Variants in ZNF804B observed in about 807,000 individuals in gnomAD.
ZNF804B encodes zinc finger 804B.
Under a neutral mutation model 101.4 loss-of-function variants are expected in ZNF804B, and 80 were observed. The observed-to-expected ratio is 0.79, with a 90% CI of 0.66 to 0.95. The LOEUF is 0.95. ZNF804B is among the 40% of genes least tolerant of loss of function. The pLI, the probability that ZNF804B is intolerant of heterozygous loss-of-function variation, is 0.00. For synonymous variants in ZNF804B, 622 were observed against 558.8 expected, an observed-to-expected ratio of 1.11 and a Z score of -1.59; for missense variants, 1,673 against 1,561.9, an observed-to-expected ratio of 1.07 and a Z score of -1.20.
chr7:88,804,070 G>A (rs1301409613), intron 1 of ZNF804B, among the ~76,000 whole-genome samples: 1 of 152,094 alleles, frequency 6.6e-6, no homozygotes, highest in East Asian at 1.9e-4. Flanking sequence ...AAGGACTGGG[G>A]TGACCATTTA....
chr7:88,970,305 G>C (rs531035621), intron 1 of ZNF804B, among the ~76,000 whole-genome samples: 1 of 151,124 alleles, frequency 6.6e-6, no homozygotes, highest in Admixed American at 6.6e-5. Context: ...CCATCACCTA[G>C]GTATTAAAGC....
At position 89,266,877 on chromosome 7, in the gene ZNF804B, T is replaced by TG. The variant is rs1789803563; in HGVS notation, c.249+48582_249+48583insG. Among the ~76,000 whole-genome samples the TG allele has an allele frequency of 2.0e-3, 306 of 150,970 alleles. 3 individuals are homozygous for TG. Among genetic ancestry groups the TG allele is most frequent in the Middle Eastern group, 6.8e-3 (2 of 292 alleles). On this transcript the variant is annotated intron_variant, in intron 2 of 3. Coordinates refer to ENST00000333190, the MANE Select transcript of ZNF804B (RefSeq NM_181646.5). Reference sequence around the variant, plus strand: ...AGTACTAATGTTTGTGTGTCTGTGTTTGTGTGTGTGTGTGTCTTTGGGAGT... The same window carrying TG: ...AGTACTAATGTTTGTGTGTCTGTGTTGTGTGTGTGTGTGTGTCTTTGGGAGT...
intron 1 of ZNF804B, among the ~76,000 whole-genome samples, chr7:89,142,952 A>T (rs1790738747): frequency 6.6e-6 from 1 of 151,866 alleles, no homozygotes; most frequent in Non-Finnish European, 1.5e-5. Flanking sequence ...ACTGTAATAT[A>T]CTCTCAGAGG....
At chr7:89,330,884 A>G (rs1379143228) in intron 3 of ZNF804B, among the ~76,000 whole-genome samples, 1 of 151,220 alleles carries the variant, frequency 6.6e-6, no homozygotes, top group Non-Finnish European at 1.5e-5. Context: ...CATATTAGAG[A>G]GCTACATGGT....
At chr7:88,823,906 C>T (rs192618821) in intron 1 of ZNF804B, among the ~76,000 whole-genome samples, 52 of 152,142 alleles carry the variant, frequency 3.4e-4, no homozygotes, top group Non-Finnish European at 1.0e-4. Flanking sequence ...CCTATGGTGG[C>T]CACCCCAGAA....
At chr7:89,099,883 A>T (rs1790028514) in intron 1 of ZNF804B, among the ~76,000 whole-genome samples, 1 of 152,140 alleles carries the variant, frequency 6.6e-6, no homozygotes, top group South Asian at 2.1e-4. Flanking sequence ...AACAAGAGTG[A>T]CTTCATGTTG....
Position 89,336,765 on chromosome 7 carries a change from T to A in ZNF804B, c.3783T>A (p.Thr1261=), listed in dbSNP as rs1009166604. ...LTPTIIPAHP[T]FLAGHPLHLV... ...CAACCATTATCCCTGCACACCCCACTTTCTTAGCAGGTCATCCCCTGCATT... is the reference window on the plus strand; with the variant it reads ...CAACCATTATCCCTGCACACCCCACATTCTTAGCAGGTCATCCCCTGCATT... Residue 1261 remains threonine, a synonymous_variant, in exon 4 of 4, where the codon ACT becomes ACA. Coordinates refer to ENST00000333190, the MANE Select transcript of ZNF804B (RefSeq NM_181646.5). 2 of 1,614,092 alleles carry A rather than the reference T, an allele frequency of 1.2e-6. No individual in the cohort carries two copies. The highest frequency in any genetic ancestry group is 2.7e-5 in the African/African-American group (2 of 75,034).
At chr7:89,242,432 T>A (rs987683702) in intron 2 of ZNF804B, among the ~76,000 whole-genome samples, 8 of 151,934 alleles carry the variant, frequency 5.3e-5, no homozygotes, top group Admixed American at 1.3e-4. Context: ...TAAATAGTTA[T>A]GGAATATGTA....
At chr7:88,988,545 T>C (rs557545565) in intron 1 of ZNF804B, among the ~76,000 whole-genome samples, 2 of 152,256 alleles carry the variant, frequency 1.3e-5, no homozygotes, top group East Asian at 3.9e-4. Context: ...AAAAGGAGCA[T>C]AGATCAGACA....
At chr7:88,775,761 A>G (rs773273108) in intron 1 of ZNF804B, among the ~76,000 whole-genome samples, 2 of 152,224 alleles carry the variant, frequency 1.3e-5, no homozygotes, top group Non-Finnish European at 2.9e-5. Context: ...AAAAGCATGT[A>G]TGACCACTGA....
intron 2 of ZNF804B, among the ~76,000 whole-genome samples, chr7:89,250,947 A>G (rs1208762675): frequency 1.3e-5 from 2 of 152,222 alleles, no homozygotes; most frequent in African/African-American, 4.8e-5. Context: ...ACCTCAAAAT[A>G]ATAAGAGCCA....
At chr7:88,816,146 C>A (rs1296016903) in intron 1 of ZNF804B, among the ~76,000 whole-genome samples, 1 of 151,370 alleles carries the variant, frequency 6.6e-6, no homozygotes, top group Non-Finnish European at 1.5e-5. Flanking sequence ...GCTCAGACTC[C>A]GTTACCCCAT....
intron 1 of ZNF804B, among the ~76,000 whole-genome samples, chr7:88,765,979 A>T (rs1196720893): frequency 1.3e-5 from 2 of 152,136 alleles, no homozygotes; most frequent in East Asian, 3.9e-4. Flanking sequence ...AGACACTCTA[A>T]ACTTAATTGA....
intron 1 of ZNF804B, among the ~76,000 whole-genome samples, chr7:88,909,472 TA>T (rs1236900432): frequency 1.3e-5 from 2 of 151,748 alleles, no homozygotes; most frequent in South Asian, 4.2e-4. Context: ...ATAGGTGATT[TA>T]AAAAAAATCT....
At chr7:89,051,579 T>C (rs1789205311) in intron 1 of ZNF804B, among the ~76,000 whole-genome samples, 1 of 152,182 alleles carries the variant, frequency 6.6e-6, no homozygotes, top group Admixed American at 6.6e-5. Context: ...AAGAAAAACA[T>C]GATCTTCATG....
chr7:88,952,403 G>A (rs1044114764), intron 1 of ZNF804B, among the ~76,000 whole-genome samples: 16 of 151,756 alleles, frequency 1.1e-4, no homozygotes, highest in African/African-American at 3.9e-4. Flanking sequence ...GGACCAAGGT[G>A]GATAACTAGG....
intron 1 of ZNF804B, among the ~76,000 whole-genome samples, chr7:88,979,848 TA>T (rs1793670837): frequency 6.6e-6 from 1 of 151,850 alleles, no homozygotes; most frequent in Non-Finnish European, 1.5e-5. Flanking sequence ...CAATAACTCT[TA>T]AATTTGCCCT....
At chr7:88,792,575 T>C (rs767122070) in intron 1 of ZNF804B, among the ~76,000 whole-genome samples, 1 of 152,092 alleles carries the variant, frequency 6.6e-6, no homozygotes, top group Admixed American at 6.6e-5. Context: ...CCTTTTTTGC[T>C]GGGAAAATAT....
At chr7:88,880,820 T>C (rs1265759050) in intron 1 of ZNF804B, among the ~76,000 whole-genome samples, 1 of 152,128 alleles carries the variant, frequency 6.6e-6, no homozygotes, top group Non-Finnish European at 1.5e-5. Flanking sequence ...TTGCTTCTTT[T>C]GTCTTCCTTT....
Sources: gnomAD v4.1 joint callset for allele counts (sites outside exome capture counted in the v4.1 genomes callset) on GRCh38, gnomAD v4.1.1 for gene constraint, MANE v1.5 for transcripts, NCBI Gene and HGNC (gene_info 2026-07-23, HGNC 2026-07-21) for gene names.